Variants in PDXK observed in about 807,000 individuals in gnomAD.
PDXK encodes pyridoxal kinase.
PDXK carries 15 observed loss-of-function variants against 43.2 expected under a neutral mutation model. The observed-to-expected ratio is 0.35, with a 90% CI of 0.23 to 0.53. The LOEUF is 0.53. PDXK is among the 20% of genes least tolerant of loss of function. The pLI is 0.92. For missense variants in PDXK, 343 were observed against 417.0 expected, an observed-to-expected ratio of 0.82 and a Z score of 1.54; for synonymous variants, 172 against 165.4, an observed-to-expected ratio of 1.04 and a Z score of -0.31.
chr21:43,756,096 G>A lies in PDXK; in HGVS notation c.*33G>A, dbSNP rs529119792. The A allele has an allele frequency of 2.3e-5, 29 of 1,236,136 alleles. No homozygotes were observed. The highest frequency in any genetic ancestry group is 2.2e-4 in the South Asian group (18 of 80,678). The allele number at this position is 1,236,136 out of a possible 1,614,324, so 76.6% of individuals were successfully genotyped here. On this transcript the variant is annotated 3_prime_UTR_variant, in exon 11 of 11. Coordinates refer to ENST00000291565, the MANE Select transcript of PDXK (RefSeq NM_003681.5). ...GCCGCTTGCCCGTGACACGCAGCGCGTTGGTGTCTCCGTGTTTGTCCCTGT... is the reference window on the plus strand; with the variant it reads ...GCCGCTTGCCCGTGACACGCAGCGCATTGGTGTCTCCGTGTTTGTCCCTGT...
chr21:43,755,921 G>A, intron 10 of PDXK, 30 bp from the exon 11 acceptor site: 2 of 1,548,812 alleles, frequency 1.3e-6, no homozygotes, highest in African/African-American at 2.7e-5. Flanking sequence ...CTCTGAGATG[G>A]GAACTCAGTG....
chr21:43,734,497 G>C lies in PDXK; in HGVS notation c.142+374G>C, dbSNP rs781373686. Among the ~76,000 whole-genome samples, 2 of 152,216 alleles carry C rather than the reference G, an allele frequency of 1.3e-5. No homozygotes were observed. The highest frequency in any genetic ancestry group is 2.9e-5 in the Non-Finnish European group (2 of 68,042). On this transcript the variant is annotated intron_variant, in intron 2 of 10. Coordinates refer to ENST00000291565, the MANE Select transcript of PDXK (RefSeq NM_003681.5). This position sits in a 1 kb window ranked among gnomAD's most constrained non-coding sequence, Gnocchi z 5.0. ...ACTTGCATAAAATGCTTGGACCAATGCCTGGCTCAGAGCGCAGCCGTGTGA... is the reference window on the plus strand; with the variant it reads ...ACTTGCATAAAATGCTTGGACCAATCCCTGGCTCAGAGCGCAGCCGTGTGA...
At position 43,754,961 on chromosome 21, in the gene PDXK, C is replaced by T. The variant is rs923924298; in HGVS notation, c.760-737C>T. 1.2e-4 allele frequency among the ~76,000 whole-genome samples: 19 copies of T among 152,318 alleles called. No individual in the cohort carries two copies. The highest frequency in any genetic ancestry group is 4.6e-4 in the African/African-American group (19 of 41,572). ...ACCCTGAGCTGGAATGCACAGCCCC[C>T]TCATTCCATCCCTTCTGGCCCCTCA... On this transcript the variant is annotated intron_variant, in intron 9 of 10. Transcript: ENST00000291565. This position sits in a 1 kb window ranked among gnomAD's most constrained non-coding sequence, Gnocchi z 5.5.
rs773502053 is a variant in PDXK, at chr21:43,741,650, G to A, written c.143-17G>A. On this transcript the variant is annotated splice_polypyrimidine_tract_variant and intron_variant, in intron 2 of 10. Coordinates refer to ENST00000291565, the MANE Select transcript of PDXK (RefSeq NM_003681.5). ...GCCCCCTTGTGTCTGAGCCCCCATG[G>A]CTTCCTCTGCCTCTAGGCTATGCCC... 2.3e-5 allele frequency: 37 copies of A among 1,607,226 alleles called. No homozygotes were observed. Among genetic ancestry groups the A allele is most frequent in the Middle Eastern group, 3.3e-4 (2 of 6,004 alleles).
At position 43,735,196 on chromosome 21, in the gene PDXK, C is replaced by G. The variant is rs916533920; in HGVS notation, c.142+1073C>G. 3.9e-5 allele frequency among the ~76,000 whole-genome samples: 6 copies of G among 152,236 alleles called. No individual in the cohort carries two copies. The highest frequency in any genetic ancestry group is 1.2e-4 in the African/African-American group (5 of 41,462). On this transcript the variant is annotated intron_variant, in intron 2 of 10. Coordinates refer to ENST00000291565, the MANE Select transcript of PDXK (RefSeq NM_003681.5). This position sits in a 1 kb window ranked among gnomAD's most constrained non-coding sequence, Gnocchi z 5.3. Reference sequence around the variant, plus strand: ...TTGGAGACGTCCCCGAAGACTCAGGCCCTCCAGGAGCCTCCCTGAACCCAC... The same window carrying G: ...TTGGAGACGTCCCCGAAGACTCAGGGCCTCCAGGAGCCTCCCTGAACCCAC...
At chr21:43,739,338 CTT>C (rs1386808396) in intron 2 of PDXK, among the ~76,000 whole-genome samples, 1 of 152,178 alleles carries the variant, frequency 6.6e-6, no homozygotes, top group East Asian at 1.9e-4. Context: ...TTTATGAACT[CTT>C]AACCTGTCTC....
chr21:43,750,979 T>TGTGTGTGTGC (rs57132172), intron 7 of PDXK, among the ~76,000 whole-genome samples: 6 of 148,176 alleles, frequency 4.0e-5, no homozygotes, highest in African/African-American at 1.3e-4. Context: ...TGTGTGTGTG[T>TGTGTGTGTGC]GCACATGTGT....
At chr21:43,720,922 G>A (rs947128755) in intron 1 of PDXK, among the ~76,000 whole-genome samples, 3 of 152,148 alleles carry the variant, frequency 2.0e-5, no homozygotes, top group East Asian at 1.9e-4. Context: ...TGGCTCACTC[G>A]GGATCCCCCA....
chr21:43,732,330 G>A lies in PDXK; in HGVS notation c.88-1739G>A, dbSNP rs188460496. 319 of 1,604,354 alleles carry A rather than the reference G, an allele frequency of 2.0e-4. No homozygotes were observed. The African/African-American group carries it at 2.7e-3, about 14-fold the overall frequency. Reference sequence around the variant, plus strand: ...CCTGGACCTTGGCACCCCGCCCCCCGTGCATTGTCGTCTTCTGAGTCTGGC... The same window carrying A: ...CCTGGACCTTGGCACCCCGCCCCCCATGCATTGTCGTCTTCTGAGTCTGGC... On this transcript the variant is annotated intron_variant, in intron 1 of 10. Transcript: ENST00000291565. This position sits in a 1 kb window ranked among gnomAD's most constrained non-coding sequence, Gnocchi z 4.1.
At chr21:43,755,533 C>A (rs1234937198) in intron 9 of PDXK, 165 bp from the exon 10 acceptor site, 1 of 661,352 alleles carries the variant, frequency 1.5e-6, no homozygotes, top group Non-Finnish European at 2.7e-6. Context: ...GGGCAGTCCG[C>A]AGCCTGTCCT....
At chr21:43,743,058 T>TC (rs936938908) in intron 3 of PDXK, among the ~76,000 whole-genome samples, 1 of 148,960 alleles carries the variant, frequency 6.7e-6, no homozygotes, top group Non-Finnish European at 1.5e-5. Flanking sequence ...CCCACCTCCC[T>TC]CCCCCCAGCT....
intron 7 of PDXK, among the ~76,000 whole-genome samples, chr21:43,750,924 GTGTGCGTA>G (rs2083735122): frequency 1.3e-5 from 2 of 150,274 alleles, no homozygotes; most frequent in African/African-American, 4.9e-5. Flanking sequence ...GTGTGCATGT[GTGTGCGTA>G]TGTGTGCACG....
chr21:43,732,408 C>G lies in PDXK; in HGVS notation c.88-1661C>G, dbSNP rs373928102. On this transcript the variant is annotated intron_variant, in intron 1 of 10. Coordinates refer to ENST00000291565, the MANE Select transcript of PDXK (RefSeq NM_003681.5). The surrounding 1 kb of genome is among the most constrained non-coding windows in gnomAD (Gnocchi z 4.1). ...TAGACTCTGGAAGCGTCCAGACCAGCTTGCGATGCTGATGAATAAGCTGAT... is the reference window on the plus strand; with the variant it reads ...TAGACTCTGGAAGCGTCCAGACCAGGTTGCGATGCTGATGAATAAGCTGAT... The G allele has an allele frequency of 4.2e-5, 67 of 1,612,928 alleles. No homozygotes were observed. The African/African-American group carries it at 6.5e-4, about 16-fold the overall frequency.
chr21:43,750,424 T>C (rs2083714492), intron 6 of PDXK, 76 bp from the exon 7 acceptor site: 1 of 1,315,438 alleles, frequency 7.6e-7, no homozygotes, highest in African/African-American at 1.5e-5. Flanking sequence ...CCGCTGCGGT[T>C]TGGGGAATGT....
chr21:43,736,937 TC>T, intron 2 of PDXK: 1 of 701,688 alleles, frequency 1.4e-6, no homozygotes, highest in Non-Finnish European at 2.6e-6. Flanking sequence ...CCCAGTCTTT[TC>T]TTTTTTCTTT....
chr21:43,753,545 G>A (rs371002775), intron 8 of PDXK, 38 bp from the exon 9 acceptor site: 27 of 1,585,152 alleles, frequency 1.7e-5, no homozygotes, highest in East Asian at 2.3e-5. Flanking sequence ...GCAGAGGAGC[G>A]GCAGATCTCA....
At chr21:43,742,036 A>G (rs1442923479) in intron 3 of PDXK, among the ~76,000 whole-genome samples, 4 of 151,932 alleles carry the variant, frequency 2.6e-5, no homozygotes, top group African/African-American at 4.8e-5. Context: ...TGCCCAGGGG[A>G]GGGTGCAGGC....
At chr21:43,747,848 G>C (rs2083664679) in intron 5 of PDXK, among the ~76,000 whole-genome samples, 1 of 152,212 alleles carries the variant, frequency 6.6e-6, no homozygotes, top group South Asian at 2.1e-4. Context: ...TGAGGTTAAA[G>C]GGGTGTGTTG....
At chr21:43,749,445 C>G (rs2083696520) in intron 6 of PDXK, among the ~76,000 whole-genome samples, 1 of 152,206 alleles carries the variant, frequency 6.6e-6, no homozygotes, top group African/African-American at 2.4e-5. Context: ...CAGTCTTTCC[C>G]CAGGGAGAGC....
Sources: gnomAD v4.1 joint callset for allele counts (sites outside exome capture counted in the v4.1 genomes callset) on GRCh38, gnomAD v4.1.1 for gene constraint, Gnocchi (gnomAD v3.1) non-coding constraint, MANE v1.5 for transcripts, NCBI Gene and HGNC (gene_info 2026-07-23, HGNC 2026-07-21) for gene names.